Variants in FAF1 observed in about 807,000 individuals in gnomAD.
The protein encoded by FAF1 is Fas associated factor 1.
A neutral mutation model predicts 92.5 loss-of-function variants in FAF1; 25 were observed. The observed-to-expected ratio is 0.27, with a 90% CI of 0.20 to 0.38. The LOEUF (loss-of-function observed/expected upper bound fraction) is 0.38. Ranked by LOEUF, FAF1 falls within the 10% of genes least tolerant of loss-of-function variation. The probability of loss-of-function intolerance (pLI) is 1.00; values close to 1 mark genes in which losing one functional copy is unlikely to be tolerated. For synonymous variants in FAF1, 234 were observed against 273.2 expected (o/e 0.86, Z 1.42); for missense variants, 636 against 793.3 (o/e 0.80, Z 2.38).
chr1:50,440,123 G>A lies in FAF1; in HGVS notation c.*1317C>T, dbSNP rs1227995410. 1 of 152,160 alleles carries A rather than the reference G, an allele frequency of 6.6e-6. No individual in the cohort carries two copies. Among genetic ancestry groups the A allele is most frequent in the Non-Finnish European group, 1.5e-5 (1 of 68,022 alleles). 9.4% of individuals were successfully genotyped at this position (152,160 alleles called of 1,614,324 possible). A position where few individuals can be genotyped will look rare whatever the true frequency, so the allele number is the denominator to read the frequency against. On this transcript the variant is annotated 3_prime_UTR_variant, in exon 19 of 19. Coordinates refer to ENST00000396153, the MANE Select transcript of FAF1 (RefSeq NM_007051.3). ...ACTCTTTTTTGGACAAGTACAAAAT[G>A]TTAAAATCAGGATCCCAACCCCTAG... is the stretch of plus-strand genomic sequence containing the variant.
At chr1:50,847,055 C>T (rs531442125) in intron 2 of FAF1, among the ~76,000 whole-genome samples, 6 of 152,252 alleles carry the variant, frequency 3.9e-5, no homozygotes, top group Non-Finnish European at 5.9e-5. Flanking sequence ...GTGATACAAG[C>T]GGATCATTCT....
chr1:50,596,105 T>A lies in FAF1; in HGVS notation c.840+16A>T, dbSNP rs147867212. 1.1e-5 allele frequency: 18 copies of A among 1,593,858 alleles called. No homozygotes were observed. The African/African-American group carries it at 2.3e-4, about 20-fold the overall frequency. On this transcript the variant is annotated intron_variant, in intron 9 of 18. Transcript: ENST00000396153. ...ATGGGCCTTCTGTTCAAAGAAAAGC[T>A]GGCAAACAGGCTTACTTCTTCCGAC...
At chr1:50,727,433 A>G (rs1658707116) in intron 6 of FAF1, among the ~76,000 whole-genome samples, 2 of 152,314 alleles carry the variant, frequency 1.3e-5, no homozygotes, top group Middle Eastern at 3.4e-3. Context: ...GCTAAGGCAA[A>G]TGTCTTTAGA....
chr1:50,940,021 G>A (rs12408755), intron 1 of FAF1, among the ~76,000 whole-genome samples: 291 of 152,030 alleles, frequency 1.9e-3, no homozygotes, highest in Middle Eastern at 6.8e-3. Context: ...AGTAATTCTC[G>A]TGCCTCAGCC....
At chr1:50,554,234 G>C (rs887912212) in intron 13 of FAF1, among the ~76,000 whole-genome samples, 1 of 151,258 alleles carries the variant, frequency 6.6e-6, no homozygotes, top group Non-Finnish European at 1.5e-5. Flanking sequence ...AGGTAGCATT[G>C]GGATTTATAG....
chr1:50,495,101 T>C (rs1192657841), intron 15 of FAF1, among the ~76,000 whole-genome samples: 1 of 152,196 alleles, frequency 6.6e-6, no homozygotes, highest in Non-Finnish European at 1.5e-5. Flanking sequence ...CAAGCACTTA[T>C]CCTTTGTGTT....
chr1:50,457,295 G>A (rs1260654488), intron 18 of FAF1, among the ~76,000 whole-genome samples: 2 of 152,118 alleles, frequency 1.3e-5, no homozygotes, highest in Admixed American at 1.3e-4. Context: ...GGTGAAGTAG[G>A]CTGGGGCTGC....
chr1:50,710,998 C>T (rs1657902451), intron 6 of FAF1, among the ~76,000 whole-genome samples: 1 of 151,770 alleles, frequency 6.6e-6, no homozygotes, highest in African/African-American at 2.4e-5. Context: ...CGACCTCAAC[C>T]TCCCAGGTTC....
intron 18 of FAF1, among the ~76,000 whole-genome samples, chr1:50,444,853 T>C (rs898537253): frequency 1.4e-5 from 2 of 143,630 alleles, no homozygotes; most frequent in Non-Finnish European, 3.1e-5. Context: ...GGTCTGACTC[T>C]AAAGCTGATG....
chr1:50,880,485 C>G (rs958550285), intron 1 of FAF1, among the ~76,000 whole-genome samples: 1 of 152,180 alleles, frequency 6.6e-6, no homozygotes, highest in Non-Finnish European at 1.5e-5. Context: ...GGACGGGGCA[C>G]TGATCCAACA....
chr1:50,651,430 T>C (rs1404237000), intron 8 of FAF1, among the ~76,000 whole-genome samples: 1 of 152,168 alleles, frequency 6.6e-6, no homozygotes, highest in Non-Finnish European at 1.5e-5. Context: ...AATCCATTAA[T>C]TTCTTGATCT....
At chr1:50,861,745 G>C (rs992470023) in intron 1 of FAF1, among the ~76,000 whole-genome samples, 1 of 151,778 alleles carries the variant, frequency 6.6e-6, no homozygotes, top group South Asian at 2.1e-4. Context: ...CTTGTAAGAA[G>C]AGATACCAAA....
intron 1 of FAF1, among the ~76,000 whole-genome samples, chr1:50,859,372 T>G (rs1644414666): frequency 6.6e-6 from 1 of 151,488 alleles, no homozygotes; most frequent in African/African-American, 2.4e-5. Flanking sequence ...CCCTAAAGAC[T>G]GCAAAAAGGA....
At chr1:50,947,640 CATTCAAATTTTACAA>C (rs2124759337) in intron 1 of FAF1, among the ~76,000 whole-genome samples, 1 of 152,328 alleles carries the variant, frequency 6.6e-6, no homozygotes, top group East Asian at 1.9e-4. Context: ...TCAGCAGCAG[CATTCAAATTTTACAA>C]AGTTCTTGGC....
At chr1:50,480,141 T>A (rs1189459769) in intron 17 of FAF1, among the ~76,000 whole-genome samples, 1 of 152,230 alleles carries the variant, frequency 6.6e-6, no homozygotes, top group South Asian at 2.1e-4. Flanking sequence ...TATGAACTGA[T>A]CTGGTACTTT....
intron 18 of FAF1, among the ~76,000 whole-genome samples, chr1:50,455,704 A>T (rs1646342869): frequency 6.6e-6 from 1 of 152,244 alleles, no homozygotes. Context: ...AGACGTATGT[A>T]CCTTGCTTGA....
chr1:50,824,437 TTTC>T (rs1644074563), intron 2 of FAF1, among the ~76,000 whole-genome samples: 1 of 152,166 alleles, frequency 6.6e-6, no homozygotes, highest in African/African-American at 2.4e-5. Context: ...CTCGCCTATA[TTTC>T]TTCTTTGCAT....
intron 4 of FAF1, among the ~76,000 whole-genome samples, chr1:50,769,985 A>C (rs1569918153): frequency 1.3e-5 from 2 of 152,334 alleles, no homozygotes; most frequent in East Asian, 3.9e-4. Flanking sequence ...CGGGAGGCGG[A>C]CGTTGCAGTG....
Position 50,618,894 on chromosome 1 carries a change from G to A in FAF1, c.745-22678C>T, listed in dbSNP as rs187095040. Among the ~76,000 whole-genome samples, 40 of 151,792 alleles carry A rather than the reference G, an allele frequency of 2.6e-4. No homozygotes were observed. The East Asian group carries it at 5.1e-3, about 19-fold the overall frequency. The stretch of plus-strand genomic sequence containing the variant: ...CTCCTGGGTAGCTGGGATTACAGGC[G>A]TGCACCACCATACCACCATGCCCGG... On this transcript the variant is annotated intron_variant, in intron 8 of 18. Coordinates refer to ENST00000396153, the MANE Select transcript of FAF1 (RefSeq NM_007051.3).
Sources: allele counts gnomAD v4.1 joint callset (sites outside exome capture counted in the v4.1 genomes callset), GRCh38; gene constraint gnomAD v4.1.1; transcripts MANE v1.5; gene names NCBI Gene and HGNC (gene_info 2026-07-23, HGNC 2026-07-21).